Variants in DSCAML1 observed in about 807,000 individuals in gnomAD.
DSCAML1 encodes cell adhesion molecule DSCAML1.
DSCAML1 carries 38 observed loss-of-function variants against 200.5 expected under a neutral mutation model. The observed-to-expected ratio is 0.19, with a 90% confidence interval of 0.15 to 0.25. The LOEUF is 0.25. Ranked by LOEUF, DSCAML1 falls within the 10% of genes least tolerant of loss-of-function variation. DSCAML1 has a pLI of 1.00. For synonymous variants in DSCAML1, 1,215 were observed against 1,165.0 expected (o/e 1.04, Z -0.87); for missense variants, 2,223 against 2,858.8 (o/e 0.78, Z 5.07).
intron 3 of DSCAML1, among the ~76,000 whole-genome samples, chr11:117,698,203 C>A (rs2053616114): frequency 6.6e-6 from 1 of 152,200 alleles, no homozygotes; most frequent in Non-Finnish European, 1.5e-5. Context: ...CTGCTGTGGG[C>A]ATGGGTGTGG....
intron 21 of DSCAML1, among the ~76,000 whole-genome samples, chr11:117,441,678 G>A (rs1262783112): frequency 6.6e-6 from 1 of 152,134 alleles, no homozygotes; most frequent in Non-Finnish European, 1.5e-5. Flanking sequence ...TGGAGGGAGA[G>A]TGAGAGTGAG....
At chr11:117,466,062 T>G (rs996944469) in intron 16 of DSCAML1, among the ~76,000 whole-genome samples, 1 of 152,140 alleles carries the variant, frequency 6.6e-6, no homozygotes, top group Non-Finnish European at 1.5e-5. Flanking sequence ...AAACATAGAA[T>G]AACCATACCA....
chr11:117,786,227 G>T (rs1001972241), intron 1 of DSCAML1, among the ~76,000 whole-genome samples: 1 of 152,208 alleles, frequency 6.6e-6, no homozygotes, highest in Non-Finnish European at 1.5e-5. Flanking sequence ...AGGGGGAAAT[G>T]GATTTTTAAT....
chr11:117,633,290 C>G (rs1028596603), intron 3 of DSCAML1, among the ~76,000 whole-genome samples: 1 of 152,170 alleles, frequency 6.6e-6, no homozygotes, highest in African/African-American at 2.4e-5. Context: ...CTTCCTGCCT[C>G]GCCACACCTT....
At chr11:117,613,661 C>A (rs951121937) in intron 3 of DSCAML1, among the ~76,000 whole-genome samples, 3 of 152,222 alleles carry the variant, frequency 2.0e-5, no homozygotes, top group Admixed American at 6.5e-5. Context: ...CCCTCCCTGC[C>A]AGGAGACTTT....
chr11:117,478,655 G>C (rs866871713), intron 14 of DSCAML1, among the ~76,000 whole-genome samples: 3 of 152,156 alleles, frequency 2.0e-5, no homozygotes, highest in African/African-American at 7.2e-5. Context: ...TCCCAACCTG[G>C]TCCCAAAGCA....
intron 3 of DSCAML1, among the ~76,000 whole-genome samples, chr11:117,585,862 G>A (rs1001213681): frequency 1.3e-5 from 2 of 152,164 alleles, no homozygotes; most frequent in African/African-American, 2.4e-5. Context: ...AGAATGAATC[G>A]CACCTTTCCA....
intron 3 of DSCAML1, among the ~76,000 whole-genome samples, chr11:117,717,716 C>T (rs1414310099): frequency 6.6e-6 from 1 of 152,190 alleles, no homozygotes; most frequent in Non-Finnish European, 1.5e-5. Context: ...CATACTCACG[C>T]TCCCACAATG....
At chr11:117,789,275 G>A (rs181510021) in intron 1 of DSCAML1, among the ~76,000 whole-genome samples, 3 of 152,240 alleles carry the variant, frequency 2.0e-5, no homozygotes, top group South Asian at 4.1e-4. Context: ...GCTGACTGTC[G>A]GACAGACTCT....
chr11:117,658,738 GC>G (rs1014237787), intron 3 of DSCAML1, among the ~76,000 whole-genome samples: 3 of 152,152 alleles, frequency 2.0e-5, no homozygotes, highest in Admixed American at 2.0e-4. Context: ...TTTTTGAGTG[GC>G]GAAGATTCTC....
intron 3 of DSCAML1, among the ~76,000 whole-genome samples, chr11:117,687,738 G>C (rs1395348864): frequency 1.3e-5 from 2 of 152,158 alleles, no homozygotes; most frequent in Admixed American, 6.5e-5. Context: ...TAGAAGTGTA[G>C]TCTCTCTAGG....
chr11:117,533,815 G>A (rs1484117012), intron 3 of DSCAML1, among the ~76,000 whole-genome samples: 8 of 152,120 alleles, frequency 5.3e-5, no homozygotes, highest in Admixed American at 1.3e-4. Context: ...GTTGGGGGGC[G>A]GGGTTTGCAC....
intron 3 of DSCAML1, among the ~76,000 whole-genome samples, chr11:117,629,406 G>A (rs1024110463): frequency 1.3e-5 from 2 of 152,080 alleles, no homozygotes; most frequent in African/African-American, 2.4e-5. Flanking sequence ...GGCTGCCCAC[G>A]CTGAGTGCTG....
At chr11:117,685,587 C>G (rs188754662) in intron 3 of DSCAML1, among the ~76,000 whole-genome samples, 1 of 152,136 alleles carries the variant, frequency 6.6e-6, no homozygotes, top group African/African-American at 2.4e-5. Context: ...AGCACGGGTG[C>G]CTACAAATAT....
chr11:117,686,303 C>G (rs149522692), intron 3 of DSCAML1, among the ~76,000 whole-genome samples: 52 of 152,314 alleles, frequency 3.4e-4, no homozygotes, highest in Middle Eastern at 3.4e-3. Context: ...GTGCTCATAC[C>G]GCCCTCTGTT....
At chr11:117,660,680 C>T (rs35048090) in intron 3 of DSCAML1, among the ~76,000 whole-genome samples, 3,810 of 152,238 alleles carry the variant, frequency 0.025, 54 homozygotes, top group African/African-American at 0.035. Context: ...ACCCAGCTGC[C>T]GAGAGGGGTC....
intron 3 of DSCAML1, among the ~76,000 whole-genome samples, chr11:117,650,652 AGT>A (rs2052610188): frequency 6.9e-6 from 1 of 145,048 alleles, no homozygotes; most frequent in South Asian, 2.2e-4. Flanking sequence ...TTCTGTTTAA[AGT>A]GTGTGTGTCT....
At chr11:117,618,139 A>G (rs2034951093) in intron 3 of DSCAML1, among the ~76,000 whole-genome samples, 1 of 152,214 alleles carries the variant, frequency 6.6e-6, no homozygotes. Flanking sequence ...GAAATTTTTA[A>G]GCTATTCAAT....
intron 3 of DSCAML1, among the ~76,000 whole-genome samples, chr11:117,647,616 T>A (rs975071154): frequency 1.3e-5 from 2 of 151,934 alleles, no homozygotes; most frequent in South Asian, 4.2e-4. Context: ...GAGAGAGGAC[T>A]TGGGGAGTAG....
Sources: gnomAD v4.1 joint callset for allele counts (sites outside exome capture counted in the v4.1 genomes callset) on GRCh38, gnomAD v4.1.1 for gene constraint, MANE v1.5 for transcripts, NCBI Gene and HGNC (gene_info 2026-07-23, HGNC 2026-07-21) for gene names.